The following PDGFD variants were observed in gnomAD, a reference collection of about 807,000 sequenced individuals.
PDGFD encodes platelet-derived growth factor D.
Under a neutral mutation model 44.7 loss-of-function variants are expected in PDGFD, and 30 were observed. The ratio of observed to expected loss-of-function variants is 0.67; its 90% confidence interval spans 0.50 to 0.91. The LOEUF is 0.91. Ranked by LOEUF, PDGFD falls within the 40% of genes least tolerant of loss-of-function variation. The pLI is 0.00. For missense variants in PDGFD, 445 were observed against 457.8 expected (o/e 0.97, Z 0.25); for synonymous variants, 173 against 168.4 (o/e 1.03, Z -0.21).
At position 104,052,727 on chromosome 11, in the gene PDGFD, T is replaced by C. The variant is rs1475066148; in HGVS notation, c.125-52472A>G. Among the ~76,000 whole-genome samples, 8 of 152,292 alleles carry C rather than the reference T, an allele frequency of 5.3e-5. No individual in the cohort carries two copies. In the East Asian group the frequency reaches 1.5e-3, roughly 29 times the overall value. On this transcript the variant is annotated intron_variant, in intron 1 of 6. Transcript: ENST00000393158. ...ATTCCCAGAGTTATCACCAACCTGT[T>C]TCTAAACTGATACCCTCATCCACCC...
At chr11:103,992,986 C>T (rs2134360746) in intron 3 of PDGFD, among the ~76,000 whole-genome samples, 1 of 152,264 alleles carries the variant, frequency 6.6e-6, no homozygotes, top group Middle Eastern at 3.4e-3. Flanking sequence ...GGGAGGTGAA[C>T]TTGACCTATG....
intron 1 of PDGFD, among the ~76,000 whole-genome samples, chr11:104,045,272 A>T (rs1270492953): frequency 6.6e-6 from 1 of 152,174 alleles, no homozygotes; most frequent in Admixed American, 6.5e-5. Context: ...TATATAGGAG[A>T]TATTACCTTA....
At chr11:103,969,131 G>A (rs960126608) in intron 3 of PDGFD, among the ~76,000 whole-genome samples, 1 of 152,096 alleles carries the variant, frequency 6.6e-6, no homozygotes, top group African/African-American at 2.4e-5. Context: ...CAACTTTCAT[G>A]CTTACGCAGC....
intron 5 of PDGFD, among the ~76,000 whole-genome samples, chr11:103,929,746 T>C (rs747421942): frequency 4.6e-5 from 7 of 152,090 alleles, no homozygotes; most frequent in Non-Finnish European, 7.4e-5. Context: ...CTTCAAAGCG[T>C]GATTGCAGAC....
chr11:103,927,888 T>TAA (rs1430139944), intron 5 of PDGFD, among the ~76,000 whole-genome samples: 1 of 152,244 alleles, frequency 6.6e-6, no homozygotes, highest in African/African-American at 2.4e-5. Context: ...GAATTGAATG[T>TAA]AACGTGCCTG....
At position 104,022,769 on chromosome 11, in the gene PDGFD, A is replaced by T. The variant is rs561831720; in HGVS notation, c.125-22514T>A. Among the ~76,000 whole-genome samples, 3 of 152,168 alleles carry T rather than the reference A, an allele frequency of 2.0e-5. No homozygotes were observed. In the South Asian group the frequency reaches 6.2e-4, roughly 32 times the overall value. On this transcript the variant is annotated intron_variant, in intron 1 of 6. Transcript: ENST00000393158. ...TGTGTGTGTACATATATATGTGTAT[A>T]TTCATACAAAATTTAGTGTGTGTGT...
intron 3 of PDGFD, among the ~76,000 whole-genome samples, chr11:103,959,880 T>G (rs1373916746): frequency 2.0e-5 from 3 of 152,162 alleles, no homozygotes; most frequent in African/African-American, 7.2e-5. Context: ...TGGAATAGGA[T>G]AAATGGTAAT....
intron 3 of PDGFD, among the ~76,000 whole-genome samples, chr11:103,955,161 C>T (rs1858820647): frequency 3.6e-5 from 2 of 55,256 alleles, no homozygotes; most frequent in Non-Finnish European, 6.7e-5. Context: ...GAGACTCCGT[C>T]TCAAAAAAAA....
At chr11:103,981,734 G>A (rs1173553459) in intron 3 of PDGFD, among the ~76,000 whole-genome samples, 1 of 151,876 alleles carries the variant, frequency 6.6e-6, no homozygotes. Flanking sequence ...AACCTGGAAA[G>A]CTCTTGAGGC....
chr11:104,155,119 G>T (rs1278507596), intron 1 of PDGFD, among the ~76,000 whole-genome samples: 1 of 152,174 alleles, frequency 6.6e-6, no homozygotes, highest in Non-Finnish European at 1.5e-5. Flanking sequence ...GTAGAAGAAT[G>T]ATAATAATAC....
At chr11:104,092,726 C>T (rs949348328) in intron 1 of PDGFD, among the ~76,000 whole-genome samples, 3 of 152,032 alleles carry the variant, frequency 2.0e-5, no homozygotes, top group African/African-American at 4.8e-5. Context: ...AAAAAAGGTG[C>T]ACAAATGATG....
intron 1 of PDGFD, among the ~76,000 whole-genome samples, chr11:104,141,860 C>T (rs568203172): frequency 2.2e-4 from 33 of 152,264 alleles, no homozygotes; most frequent in African/African-American, 7.9e-4. Flanking sequence ...CCTATTTCGA[C>T]ATTTTTATCT....
intron 1 of PDGFD, among the ~76,000 whole-genome samples, chr11:104,145,071 T>C (rs1199496057): frequency 1.3e-5 from 2 of 152,200 alleles, no homozygotes; most frequent in Non-Finnish European, 2.9e-5. Context: ...AATATTCACA[T>C]TTACTTTATA....
chr11:103,940,778 T>G (rs185341584), intron 5 of PDGFD, among the ~76,000 whole-genome samples: 1 of 152,196 alleles, frequency 6.6e-6, no homozygotes, highest in African/African-American at 2.4e-5. Flanking sequence ...AATTAAATGG[T>G]ACAAAAATGC....
At chr11:104,159,254 G>C (rs1388153150) in intron 1 of PDGFD, among the ~76,000 whole-genome samples, 1 of 151,196 alleles carries the variant, frequency 6.6e-6, no homozygotes, top group Non-Finnish European at 1.5e-5. Context: ...AGCCTTGAAA[G>C]AGGCTAGGTA....
At chr11:104,150,186 T>C (rs1862221807) in intron 1 of PDGFD, among the ~76,000 whole-genome samples, 1 of 152,162 alleles carries the variant, frequency 6.6e-6, no homozygotes, top group South Asian at 2.1e-4. Flanking sequence ...ATGAGGTTAA[T>C]GAAAATTTTA....
intron 1 of PDGFD, among the ~76,000 whole-genome samples, chr11:104,146,498 A>G (rs754237030): frequency 1.6e-4 from 24 of 152,188 alleles, no homozygotes; most frequent in Non-Finnish European, 2.6e-4. Context: ...AGCAAACCTC[A>G]TATGTCAAGA....
At chr11:104,049,875 A>C (rs1274880665) in intron 1 of PDGFD, among the ~76,000 whole-genome samples, 2 of 152,034 alleles carry the variant, frequency 1.3e-5, no homozygotes, top group Non-Finnish European at 2.9e-5. Flanking sequence ...AAGAAAGAAA[A>C]CCTGGTTAGA....
At chr11:103,916,124 C>CA (rs200081861) in intron 6 of PDGFD, among the ~76,000 whole-genome samples, 30 of 150,774 alleles carry the variant, frequency 2.0e-4, no homozygotes, top group African/African-American at 4.4e-4. Context: ...TTCTGCACAG[C>CA]AAAAAAAAAC....
Sources: allele counts gnomAD v4.1 joint callset (sites outside exome capture counted in the v4.1 genomes callset), GRCh38; gene constraint gnomAD v4.1.1; transcripts MANE v1.5; gene names NCBI Gene and HGNC (gene_info 2026-07-23, HGNC 2026-07-21).